Variants in CPA6 observed in about 807,000 individuals in gnomAD.
The protein encoded by CPA6 is carboxypeptidase B.
Under a neutral mutation model 63.3 loss-of-function variants are expected in CPA6, and 58 were observed. The ratio of observed to expected loss-of-function variants is 0.92; its 90% CI spans 0.74 to 1.14. CPA6 has a LOEUF of 1.14. Among genes scored for constraint, CPA6 ranks in the 50% most tolerant of loss-of-function variants. CPA6 has a pLI of 0.00. For synonymous variants in CPA6, 185 were observed against 179.0 expected, an observed-to-expected ratio of 1.03 and a Z score of -0.27; for missense variants, 565 against 526.6, an observed-to-expected ratio of 1.07 and a Z score of -0.71.
In CPA6 at chr8:67,598,177, A is replaced by AT. The variant is rs574352970; in HGVS notation, c.192+25998dup. 2.5e-3 allele frequency among the ~76,000 whole-genome samples: 377 copies of AT among 152,314 alleles called. 10 individuals are homozygous for AT. Among genetic ancestry groups the AT allele is most frequent in the Admixed American group, 0.024 (360 of 15,298 alleles). On this transcript the variant is annotated intron_variant, in intron 2 of 10. Coordinates refer to ENST00000297770, the MANE Select transcript of CPA6 (RefSeq NM_020361.5). ...GAGGCTGACAAAATGGCTACTTCAC[A>AT]TTTTAGCTGTCATTTTTAGGTCAGC...
Position 67,746,066 on chromosome 8 carries a change from AAAAGAGCCAGC to A in CPA6, c.53_63del (p.Cys18PhefsTer13). On this transcript the variant is annotated frameshift_variant, in exon 1 of 11. Coordinates refer to ENST00000297770, the MANE Select transcript of CPA6 (RefSeq NM_020361.5). LOFTEE classifies it high-confidence loss of function. ...CTGTGCCCCGGTTGCAGAATCTTCA[AAAAGAGCCAGC>A]AAAGAGGCAGGAAAGCAGCTGCCTG... 2 of 1,613,996 alleles carry A rather than the reference AAAAGAGCCAGC, an allele frequency of 1.2e-6. No homozygotes were observed. Among genetic ancestry groups the A allele is most frequent in the Non-Finnish European group, 1.7e-6 (2 of 1,179,906 alleles).
chr8:67,694,105 T>C, intron 1 of CPA6, among the ~76,000 whole-genome samples: 1 of 152,226 alleles, frequency 6.6e-6, no homozygotes, highest in East Asian at 1.9e-4. Flanking sequence ...TACTGAGTGA[T>C]CTAAAAAGCT....
Position 67,634,210 on chromosome 8 carries a change from ATTATTATTATTT to A in CPA6, c.117-9971_117-9960del, listed in dbSNP as rs1323072493. Reference sequence around the variant, plus strand: ...TATTATTATTATTATTATTATTATTATTATTATTATTTATTTGTTTTTTTTTTGAGACGGAGT... The same window carrying A: ...TATTATTATTATTATTATTATTATTAATTTGTTTTTTTTTTGAGACGGAGT... On this transcript the variant is annotated intron_variant, in intron 1 of 10. Transcript: ENST00000297770. Among the ~76,000 whole-genome samples the A allele has an allele frequency of 2.3e-4, 30 of 131,218 alleles. 2 individuals are homozygous for A. Among genetic ancestry groups the A allele is most frequent in the African/African-American group, 8.8e-4 (30 of 34,086 alleles). The allele number at this position is 131,218 out of a possible 152,430, so 86.1% of individuals were successfully genotyped here. A position where few individuals can be genotyped will look rare whatever the true frequency, so the allele number is the denominator to read the frequency against.
At chr8:67,639,236 G>A (rs548183979) in intron 1 of CPA6, among the ~76,000 whole-genome samples, 1 of 151,676 alleles carries the variant, frequency 6.6e-6, no homozygotes, top group East Asian at 1.9e-4. Context: ...TTGGGGTGTT[G>A]CTTCACCAGC....
At chr8:67,560,454 C>T (rs180970125) in intron 2 of CPA6, among the ~76,000 whole-genome samples, 1 of 152,206 alleles carries the variant, frequency 6.6e-6, no homozygotes, top group Non-Finnish European at 1.5e-5. Context: ...TCTGCAAGTC[C>T]TTTGATCTTC....
intron 1 of CPA6, among the ~76,000 whole-genome samples, chr8:67,624,475 C>G (rs1161802162): frequency 6.6e-6 from 1 of 152,164 alleles, no homozygotes; most frequent in Non-Finnish European, 1.5e-5. Flanking sequence ...AGATTACAAA[C>G]TCACATTTAA....
intron 2 of CPA6, among the ~76,000 whole-genome samples, chr8:67,597,672 T>C (rs76865876): frequency 0.023 from 3,457 of 152,346 alleles, 66 homozygotes; most frequent in African/African-American, 0.051. Flanking sequence ...GTTCTATGTT[T>C]TCTACTTTTG....
At position 67,493,376 on chromosome 8, in the gene CPA6, T is replaced by C. The variant is rs189716230; in HGVS notation, c.637-8587A>G. Among the ~76,000 whole-genome samples, 6 of 152,318 alleles carry C rather than the reference T, an allele frequency of 3.9e-5. No homozygotes were observed. In the East Asian group the frequency reaches 9.6e-4, roughly 24 times the overall value. Reference sequence around the variant, plus strand: ...TATTCCCTGGAGAGCTTTTGGATCCTGGGAGAAGAGCCTTCCCCTTCTGGA... The same window carrying C: ...TATTCCCTGGAGAGCTTTTGGATCCCGGGAGAAGAGCCTTCCCCTTCTGGA... On this transcript the variant is annotated intron_variant, in intron 6 of 10. Coordinates refer to ENST00000297770, the MANE Select transcript of CPA6 (RefSeq NM_020361.5).
rs1252822662 is a variant in CPA6 at position 67,483,758 on chromosome 8, C to T, written c.838+10G>A. ...CTTTGGATCTGGATCCCAGTTGGTC[C>T]CAAACTTACCACACCACTTCACTTT... On this transcript the variant is annotated intron_variant, in intron 8 of 10. Transcript: ENST00000297770. The T allele has an allele frequency of 6.2e-7, 1 of 1,612,670 alleles. No individual in the cohort carries two copies. Among genetic ancestry groups the T allele is most frequent in the Non-Finnish European group, 8.5e-7 (1 of 1,178,692 alleles).
At chr8:67,525,932 T>G (rs2128968047) in intron 2 of CPA6, among the ~76,000 whole-genome samples, 1 of 152,332 alleles carries the variant, frequency 6.6e-6, no homozygotes, top group African/African-American at 2.4e-5. Flanking sequence ...GCATATTATT[T>G]GGGTGATGGT....
intron 1 of CPA6, among the ~76,000 whole-genome samples, chr8:67,710,359 C>G (rs888546304): frequency 6.6e-6 from 1 of 151,980 alleles, no homozygotes; most frequent in African/African-American, 2.4e-5. Flanking sequence ...AAAGCCCCAG[C>G]TGCATTAATG....
At chr8:67,557,573 G>C (rs985466042) in intron 2 of CPA6, among the ~76,000 whole-genome samples, 3 of 152,032 alleles carry the variant, frequency 2.0e-5, no homozygotes, top group African/African-American at 7.2e-5. Flanking sequence ...AGCACCATCT[G>C]GCCAGCAAAC....
intron 2 of CPA6, among the ~76,000 whole-genome samples, chr8:67,537,961 G>A (rs538130472): frequency 6.6e-6 from 1 of 152,306 alleles, no homozygotes; most frequent in South Asian, 2.1e-4. Flanking sequence ...TCATTCAGAA[G>A]CAGGCTGTTT....
intron 2 of CPA6, among the ~76,000 whole-genome samples, chr8:67,555,368 A>G (rs371574867): frequency 6.6e-6 from 1 of 152,144 alleles, no homozygotes; most frequent in African/African-American, 2.4e-5. Context: ...CTACATAATG[A>G]AACCTTTACA....
intron 2 of CPA6, among the ~76,000 whole-genome samples, chr8:67,521,788 A>AT (rs1216444169): frequency 6.6e-6 from 1 of 152,126 alleles, no homozygotes; most frequent in Non-Finnish European, 1.5e-5. Context: ...ACAAAGTCAA[A>AT]TGGCTGAATT....
intron 2 of CPA6, among the ~76,000 whole-genome samples, chr8:67,594,234 A>G (rs1814225261): frequency 1.3e-5 from 2 of 152,064 alleles, no homozygotes; most frequent in South Asian, 2.1e-4. Context: ...TGGCTTGTAG[A>G]GTTTCTGCCG....
intron 2 of CPA6, among the ~76,000 whole-genome samples, chr8:67,565,483 T>C (rs1266319672): frequency 1.3e-5 from 2 of 152,150 alleles, no homozygotes; most frequent in Non-Finnish European, 2.9e-5. Flanking sequence ...ACTGCTGACA[T>C]GATAGATCAA....
intron 8 of CPA6, among the ~76,000 whole-genome samples, chr8:67,482,534 G>A (rs887388448): frequency 1.3e-5 from 2 of 152,012 alleles, no homozygotes; most frequent in African/African-American, 4.8e-5. Context: ...ATACATTATT[G>A]CTCATCATCA....
At chr8:67,467,886 T>TA (rs539603315) in intron 8 of CPA6, among the ~76,000 whole-genome samples, 4,414 of 109,702 alleles carry the variant, frequency 0.04, 262 homozygotes, top group African/African-American at 0.13. Context: ...AAACCCCGTC[T>TA]AAAAAAAAAA....
Sources: allele counts gnomAD v4.1 joint callset (sites outside exome capture counted in the v4.1 genomes callset), GRCh38; gene constraint gnomAD v4.1.1; transcripts MANE v1.5; gene names NCBI Gene and HGNC (gene_info 2026-07-23, HGNC 2026-07-21).